CEP128: variants seen among roughly 807,000 people sequenced by gnomAD.
CEP128 encodes centrosomal protein 128, also known as centrosomal protein 128kDa.
In CEP128, 132 loss-of-function variants were observed where a neutral mutation model predicts 156.7. The ratio of observed to expected loss-of-function variants is 0.84; its 90% confidence interval spans 0.73 to 0.97. The LOEUF is 0.97. CEP128 is among the 50% of genes least tolerant of loss of function. The probability of loss-of-function intolerance (pLI) is 0.00; values close to 1 mark genes in which losing one functional copy is unlikely to be tolerated. For synonymous variants in CEP128, 469 were observed against 448.9 expected (o/e 1.04, Z -0.57); for missense variants, 1,252 against 1,281.9 (o/e 0.98, Z 0.36).
In CEP128 at chr14:80,841,608, TATAC is replaced by T. The variant is rs557237034; in HGVS notation, c.763-844_763-841del. ...ATAAATATATTACATATATTCAAAA[TATAC>T]ATTTACTCCTCATGATGATTCTATG... On this transcript the variant is annotated intron_variant, in intron 9 of 24. Coordinates refer to ENST00000555265, the MANE Select transcript of CEP128 (RefSeq NM_152446.5). 3.7e-4 allele frequency among the ~76,000 whole-genome samples: 57 copies of T among 152,156 alleles called. 1 individual carries two copies. In the South Asian group the frequency reaches 0.012, roughly 32 times the overall value.
chr14:80,557,749 T>C (rs192617502), intron 21 of CEP128, among the ~76,000 whole-genome samples: 1 of 152,316 alleles, frequency 6.6e-6, no homozygotes, highest in East Asian at 1.9e-4. Context: ...ATGTGGTCTG[T>C]AACCATCTTT....
chr14:80,843,678 C>T (rs1357627444), intron 9 of CEP128, among the ~76,000 whole-genome samples: 1 of 151,802 alleles, frequency 6.6e-6, no homozygotes, highest in Non-Finnish European at 1.5e-5. Flanking sequence ...GATTCCAATC[C>T]AAAGTAGACT....
At chr14:80,553,920 T>C (rs1487684730) in intron 21 of CEP128, among the ~76,000 whole-genome samples, 1 of 152,204 alleles carries the variant, frequency 6.6e-6, no homozygotes, top group Non-Finnish European at 1.5e-5. Context: ...AGTTGTGGAA[T>C]AGCACATCCT....
intron 19 of CEP128, among the ~76,000 whole-genome samples, chr14:80,628,831 C>CGT (rs984029872): frequency 9.5e-5 from 14 of 147,868 alleles, no homozygotes; most frequent in African/African-American, 3.6e-4. Flanking sequence ...CTATAGCTCA[C>CGT]ATATATATAT....
chr14:80,877,353 C>G (rs144849529), intron 8 of CEP128, among the ~76,000 whole-genome samples: 522 of 151,986 alleles, frequency 3.4e-3, no homozygotes, highest in Non-Finnish European at 4.1e-3. Context: ...GCAAATCCTC[C>G]AAATCAAAAC....
chr14:80,883,111 A>T (rs1421303710), intron 8 of CEP128, among the ~76,000 whole-genome samples: 3 of 152,172 alleles, frequency 2.0e-5, no homozygotes, highest in Non-Finnish European at 2.9e-5. Context: ...ATTTACTCTG[A>T]TGTGATTATT....
In CEP128 at chr14:80,496,978, T is replaced by C. The variant is rs1185432337; in HGVS notation, c.*501A>G. ...AGTCCTGAGCATTTATAAAGTGGACTGTCTAATGTTATATATGCACATCTC... is the reference window on the plus strand; with the variant it reads ...AGTCCTGAGCATTTATAAAGTGGACCGTCTAATGTTATATATGCACATCTC... On this transcript the variant is annotated 3_prime_UTR_variant, in exon 25 of 25. Coordinates refer to ENST00000555265, the MANE Select transcript of CEP128 (RefSeq NM_152446.5). The C allele has an allele frequency of 6.6e-6, 1 of 152,524 alleles. No homozygotes were observed. The highest frequency in any genetic ancestry group is 6.5e-5 in the Admixed American group (1 of 15,274). The allele number at this position is 152,524 out of a possible 1,614,324, so 9.4% of individuals were successfully genotyped here. A position where few individuals can be genotyped will look rare whatever the true frequency, so the allele number is the denominator to read the frequency against.
chr14:80,852,667 T>A (rs952169186), intron 9 of CEP128, among the ~76,000 whole-genome samples: 1 of 151,778 alleles, frequency 6.6e-6, no homozygotes, highest in African/African-American at 2.4e-5. Context: ...TTAAAAAAAA[T>A]TAGTAATCTG....
chr14:80,498,988 C>T (rs564686283), intron 24 of CEP128, among the ~76,000 whole-genome samples: 25 of 152,222 alleles, frequency 1.6e-4, no homozygotes, highest in African/African-American at 4.3e-4. Context: ...AAATATCCGG[C>T]GTTTAACCGA....
chr14:80,741,002 T>G (rs766196236), intron 19 of CEP128, among the ~76,000 whole-genome samples: 1 of 152,160 alleles, frequency 6.6e-6, no homozygotes, highest in Non-Finnish European at 1.5e-5. Flanking sequence ...AAATTTCATC[T>G]TTAAGGTAAA....
Position 80,916,577 on chromosome 14 carries a change from T to C in CEP128, c.-15-15A>G, listed in dbSNP as rs372855235. The C allele has an allele frequency of 4.4e-6, 7 of 1,589,414 alleles. No individual in the cohort carries two copies. The highest frequency in any genetic ancestry group is 1.8e-5 in the Admixed American group (1 of 56,996). ...GTACACAAATCCTTTTAAATAAATA[T>C]AGGTCAAAGTTAATGAAACAGTAAA... On this transcript the variant is annotated splice_polypyrimidine_tract_variant and intron_variant, in intron 2 of 24. Transcript: ENST00000555265.
intron 21 of CEP128, among the ~76,000 whole-genome samples, chr14:80,543,215 T>G (rs1889841772): frequency 1.3e-5 from 2 of 152,254 alleles, no homozygotes; most frequent in Non-Finnish European, 2.9e-5. Flanking sequence ...AATCCTTTTT[T>G]GAACACTTAG....
chr14:80,870,657 T>C (rs1247464495), intron 8 of CEP128, among the ~76,000 whole-genome samples: 2 of 151,646 alleles, frequency 1.3e-5, no homozygotes, highest in Admixed American at 1.3e-4. Context: ...ACAGTAAAAA[T>C]CTAAAAGCTT....
intron 21 of CEP128, among the ~76,000 whole-genome samples, chr14:80,535,158 T>A (rs1279663124): frequency 1.3e-5 from 2 of 152,168 alleles, no homozygotes; most frequent in Non-Finnish European, 2.9e-5. Context: ...CAAATTTGAA[T>A]ACACTTCCTA....
intron 23 of CEP128, among the ~76,000 whole-genome samples, chr14:80,506,991 A>T (rs1888008684): frequency 6.6e-6 from 1 of 151,916 alleles, no homozygotes; most frequent in Non-Finnish European, 1.5e-5. Flanking sequence ...TGAGGGAGCA[A>T]CCAGGGAGAT....
chr14:80,595,282 G>A (rs903951586), intron 19 of CEP128, among the ~76,000 whole-genome samples: 6 of 152,146 alleles, frequency 3.9e-5, no homozygotes, highest in Non-Finnish European at 5.9e-5. Flanking sequence ...GAGAACACAT[G>A]GACACAGAGA....
intron 2 of CEP128, among the ~76,000 whole-genome samples, chr14:80,920,788 C>G (rs545254741): frequency 6.6e-6 from 1 of 152,224 alleles, no homozygotes; most frequent in African/African-American, 2.4e-5. Context: ...CTATGGTTAG[C>G]GAGGTTGTAG....
downstream of CEP128, among the ~76,000 whole-genome samples, chr14:80,492,563 A>C (rs1323183552): frequency 1.3e-5 from 2 of 152,180 alleles, no homozygotes; most frequent in Admixed American, 1.3e-4. Context: ...GGGAGAGATG[A>C]AATATTTCCA....
chr14:80,729,058 G>GGGGGTGTGTGTGTGT (rs1898141728), intron 19 of CEP128, among the ~76,000 whole-genome samples: 1 of 105,024 alleles, frequency 9.5e-6, no homozygotes, highest in African/African-American at 5.0e-5. Context: ...GGCTGGTGGG[G>GGGGGTGTGTGTGTGT]GTGTGTGTGT....
Sources: allele counts gnomAD v4.1 joint callset (sites outside exome capture counted in the v4.1 genomes callset), GRCh38; gene constraint gnomAD v4.1.1; transcripts MANE v1.5; gene names NCBI Gene and HGNC (gene_info 2026-07-23, HGNC 2026-07-21).